Variants in THBS1 observed in about 807,000 individuals in gnomAD.
The protein encoded by THBS1 is thrombospondin-1.
Under a neutral mutation model 126.1 loss-of-function variants are expected in THBS1, and 29 were observed. The observed-to-expected ratio is 0.23, with a 90% CI of 0.17 to 0.31. The LOEUF (loss-of-function observed/expected upper bound fraction) is 0.31. Ranked by LOEUF, THBS1 falls within the 10% of genes least tolerant of loss-of-function variation. The pLI is 1.00. For missense variants in THBS1, 1,198 were observed against 1,545.2 expected, an observed-to-expected ratio of 0.78 and a Z score of 3.77; for synonymous variants, 496 against 577.8, an observed-to-expected ratio of 0.86 and a Z score of 2.03.
rs1260624111 is a variant in THBS1, at chr15:39,589,756, C to A, written c.1927-49C>A. On this transcript the variant is annotated intron_variant, in intron 12 of 21. Coordinates refer to ENST00000260356, the MANE Select transcript of THBS1 (RefSeq NM_003246.4). This position sits in a 1 kb window ranked among gnomAD's most constrained non-coding sequence, Gnocchi z 4.7. The stretch of plus-strand genomic sequence containing the variant: ...ATCTGGATTCTTGTTTCCATGATAT[C>A]TGAGGATTCTCAAAAGCTCTGTGTA... The A allele has an allele frequency of 4.6e-6, 7 of 1,520,716 alleles. No individual in the cohort carries two copies. The highest frequency in any genetic ancestry group is 2.0e-5 in the Admixed American group (1 of 49,112). The allele number at this position is 1,520,716 out of a possible 1,614,324, so 94.2% of individuals were successfully genotyped here. A position where few individuals can be genotyped will look rare whatever the true frequency, so the allele number is the denominator to read the frequency against.
intron 3 of THBS1, 122 bp downstream of exon 3, chr15:39,582,874 T>C: frequency 8.7e-7 from 1 of 1,146,470 alleles, no homozygotes; most frequent in Non-Finnish European, 1.2e-6. Flanking sequence ...TTAGGCAGCA[T>C]GAGCATCACC....
intron 14 of THBS1, 156 bp from the exon 15 acceptor site, chr15:39,591,035 G>A (rs149540230): frequency 2.5e-6 from 2 of 812,562 alleles, no homozygotes; most frequent in Non-Finnish European, 3.8e-6. Context: ...TTTAACTTTT[G>A]TAGTGATCGT....
At position 39,593,269 on chromosome 15, in the gene THBS1, A is replaced by T; in HGVS notation, c.2995+42A>T. 6.2e-7 allele frequency: 1 copy of T among 1,611,080 alleles called. No individual in the cohort carries two copies. The highest frequency in any genetic ancestry group is 8.5e-7 in the Non-Finnish European group (1 of 1,177,290). The stretch of plus-strand genomic sequence containing the variant: ...TAGATCCTAAGAGACTGATGCATAC[A>T]TGGGGAAAAACAAATATAAAACCTG... On this transcript the variant is annotated intron_variant, in intron 18 of 21. Coordinates refer to ENST00000260356, the MANE Select transcript of THBS1 (RefSeq NM_003246.4). The surrounding 1 kb of genome is among the most constrained non-coding windows in gnomAD (Gnocchi z 5.9).
At position 39,591,596 on chromosome 15, in the gene THBS1, T is replaced by C. The variant is rs768585341; in HGVS notation, c.2505T>C (p.Asn835=). Residue 835 remains asparagine, a synonymous_variant, in exon 16 of 22, where the codon AAT becomes AAC. Coordinates refer to ENST00000260356, the MANE Select transcript of THBS1 (RefSeq NM_003246.4). ...DMDGVGDQCD[N]CPLEHNPDQL... is the part of the protein sequence containing the mutation. ...ATGGGGTTGGAGATCAGTGTGACAATTGCCCCTTGGAACACAATCCGGATC... is the reference window on the plus strand; with the variant it reads ...ATGGGGTTGGAGATCAGTGTGACAACTGCCCCTTGGAACACAATCCGGATC... 3 of 1,614,134 alleles carry C rather than the reference T, an allele frequency of 1.9e-6. No homozygotes were observed. Among genetic ancestry groups the C allele is most frequent in the South Asian group, 1.1e-5 (1 of 91,070 alleles).
rs1368431168 is a variant in THBS1 at position 39,592,797 on chromosome 15, C to A, written c.2762C>A (p.Ser921Tyr). The change falls in exon 17 of 22, where the codon TCT becomes TAT. Residue 921 changes from serine to tyrosine, a missense_variant. Around this residue, in one of 4 missense-constraint regions of THBS1, gnomAD observed 255 missense variants for 373.9 expected, o/e 0.68. Coordinates refer to ENST00000260356, the MANE Select transcript of THBS1 (RefSeq NM_003246.4). This position sits in a 1 kb window ranked among gnomAD's most constrained non-coding sequence, Gnocchi z 4.3. The stretch of plus-strand genomic sequence containing the variant: ...GTGCCCAATCCCGACCAGAAGGACT[C>A]TGACGGTGAGTCATGGGAGCCACTT... ...RLVPNPDQKD[S>Y]DGDGRGDACK... is the part of the protein sequence containing the mutation. The A allele has an allele frequency of 4.3e-6, 7 of 1,612,286 alleles. No homozygotes were observed. Among genetic ancestry groups the A allele is most frequent in the Non-Finnish European group, 5.9e-6 (7 of 1,178,850 alleles).
rs779697116 is a variant in THBS1 at position 39,590,031 on chromosome 15, C to A, written c.2145+8C>A. On this transcript the variant is annotated splice_region_variant and intron_variant, in intron 13 of 21. Transcript: ENST00000260356. ...ACTTACCACTGCAAAAAGGTAGAGCCAGGTCCTTTGTGTGCCTCCAGAAAG... is the reference window on the plus strand; with the variant it reads ...ACTTACCACTGCAAAAAGGTAGAGCAAGGTCCTTTGTGTGCCTCCAGAAAG... The A allele has an allele frequency of 6.3e-7, 1 of 1,579,216 alleles. No individual in the cohort carries two copies. Among genetic ancestry groups the A allele is most frequent in the Non-Finnish European group, 8.6e-7 (1 of 1,161,192 alleles).
chr15:39,581,772 C>A, intron 1 of THBS1, 57 bp from the exon 2 acceptor site: 1 of 1,177,590 alleles, frequency 8.5e-7, no homozygotes, highest in Non-Finnish European at 1.2e-6. Flanking sequence ...TTTCTGCGCA[C>A]CGTCCCTCCC....
chr15:39,591,171 T>C lies in THBS1; in HGVS notation c.2254-20T>C. 1 of 1,610,920 alleles carries C rather than the reference T, an allele frequency of 6.2e-7. No individual in the cohort carries two copies. The highest frequency in any genetic ancestry group is 1.1e-5 in the South Asian group (1 of 90,594). On this transcript the variant is annotated intron_variant, in intron 14 of 21. Transcript: ENST00000260356. ...TTTCAAGGACAACATTGTTAAGTGCTCCATTTCTTCTCTTTGCAGGACAAC... is the reference window on the plus strand; with the variant it reads ...TTTCAAGGACAACATTGTTAAGTGCCCCATTTCTTCTCTTTGCAGGACAAC...
intron 6 of THBS1, among the ~76,000 whole-genome samples, chr15:39,585,193 C>G (rs1199899750): frequency 6.6e-6 from 1 of 152,178 alleles, no homozygotes; most frequent in Non-Finnish European, 1.5e-5. Context: ...GTTGGTTCCT[C>G]TGCTATAAAT....
At position 39,582,427 on chromosome 15, in the gene THBS1, G is replaced by A. The variant is rs770811023; in HGVS notation, c.302G>A (p.Arg101Gln). 6.8e-6 allele frequency: 11 copies of A among 1,614,000 alleles called. No homozygotes were observed. The highest frequency in any genetic ancestry group is 1.6e-4 in the Middle Eastern group (1 of 6,084). Residue 101 changes from arginine to glutamine, a missense_variant, in exon 3 of 22, where the codon CGG becomes CAG. Transcript: ENST00000260356. ...LASLRQMKKT[R>Q]GTLLALERKD... ...TCCCTGAGGCAGATGAAGAAGACCC[G>A]GGGCACGCTGCTGGCCCTGGAGCGG...
chr15:39,584,672 AT>A (rs1331771046), intron 6 of THBS1, among the ~76,000 whole-genome samples: 2 of 152,248 alleles, frequency 1.3e-5, no homozygotes, highest in Non-Finnish European at 2.9e-5. Flanking sequence ...AGACATCTGA[AT>A]AATTTACCTA....
chr15:39,583,496 C>A, intron 3 of THBS1, 121 bp from the exon 4 acceptor site: 1 of 731,862 alleles, frequency 1.4e-6, no homozygotes, highest in Non-Finnish European at 2.2e-6. Flanking sequence ...GATCTTAAGA[C>A]AGCTCTTTGA....
chr15:39,591,349 C>T lies in THBS1; in HGVS notation c.2412C>T (p.Asp804=), dbSNP rs370945019. The part of the protein sequence containing the change: ...GDACAADIDG[D]GILNERDNCQ... ...CCTGTGCTGCAGACATTGATGGAGA[C>T]GGTAAGGTGCTGCCTGATCAGAGGG... The change falls in exon 15 of 22, where the codon GAC becomes GAT. Residue 804 remains aspartate, a splice_region_variant and synonymous_variant. Transcript: ENST00000260356. The T allele has an allele frequency of 1.1e-5, 17 of 1,612,674 alleles. No homozygotes were observed. The highest frequency in any genetic ancestry group is 2.2e-5 in the East Asian group (1 of 44,882).
chr15:39,593,350 C>T lies in THBS1; in HGVS notation c.2996-47C>T. Reference sequence around the variant, plus strand: ...GATGTCTAGGAACATGATGGAGAACCTTCTGAAGGCTGCAGGTTTTAACCT... The same window carrying T: ...GATGTCTAGGAACATGATGGAGAACTTTCTGAAGGCTGCAGGTTTTAACCT... On this transcript the variant is annotated intron_variant, in intron 18 of 21. Coordinates refer to ENST00000260356, the MANE Select transcript of THBS1 (RefSeq NM_003246.4). The surrounding 1 kb of genome is among the most constrained non-coding windows in gnomAD (Gnocchi z 5.9). 6.2e-7 allele frequency: 1 copy of T among 1,612,964 alleles called. No individual in the cohort carries two copies. The highest frequency in any genetic ancestry group is 8.5e-7 in the Non-Finnish European group (1 of 1,179,366).
At chr15:39,583,811 G>C (rs1890157259) in intron 4 of THBS1, 119 bp downstream of exon 4, 1 of 1,268,532 alleles carries the variant, frequency 7.9e-7, no homozygotes. Flanking sequence ...ATCATCAAGA[G>C]GCATACAGAA....
Position 39,592,662 on chromosome 15 carries a change from ATG to A in THBS1, c.2630_2631del (p.Val877AlafsTer7). On this transcript the variant is annotated frameshift_variant, in exon 17 of 22. Coordinates refer to ENST00000260356, the MANE Select transcript of THBS1 (RefSeq NM_003246.4). LOFTEE classifies it high-confidence loss of function. This position sits in a 1 kb window ranked among gnomAD's most constrained non-coding sequence, Gnocchi z 4.3. ...CAGAACAATCTGGACAACTGTCCCT[ATG>A]TGCCCAATGCCAACCAGGCTGACCA... The A allele has an allele frequency of 1.2e-6, 2 of 1,614,182 alleles. No homozygotes were observed. Among genetic ancestry groups the A allele is most frequent in the Non-Finnish European group, 1.7e-6 (2 of 1,180,028 alleles).
rs778902622 is a variant in THBS1, at chr15:39,591,227, G to A, written c.2290G>A (p.Asp764Asn). The A allele has an allele frequency of 6.2e-7, 1 of 1,614,150 alleles. No homozygotes were observed. The highest frequency in any genetic ancestry group is 2.2e-5 in the East Asian group (1 of 44,890). Residue 764 changes from aspartate (D) to asparagine (N), a missense_variant, in exon 15 of 22, where the codon GAC becomes AAC. Around this residue, in one of 4 missense-constraint regions of THBS1, gnomAD observed 663 missense variants for 860.1 expected, o/e 0.77. Transcript: ENST00000260356. Reference sequence around the variant, plus strand: ...ATTCCATTACAACCCAGCTCAGTATGACTATGACAGAGATGATGTGGGAGA... The same window carrying A: ...ATTCCATTACAACCCAGCTCAGTATAACTATGACAGAGATGATGTGGGAGA... ...CPFHYNPAQY[D>N]YDRDDVGDRC...
chr15:39,587,208 AT>A, intron 7 of THBS1, 138 bp from the exon 8 acceptor site: 1 of 730,416 alleles, frequency 1.4e-6, no homozygotes, highest in East Asian at 2.7e-5. Context: ...ATATTTGTCA[AT>A]TATACCTCAG....
chr15:39,586,223 G>C (rs1055039275), intron 7 of THBS1, among the ~76,000 whole-genome samples: 1 of 152,064 alleles, frequency 6.6e-6, no homozygotes, highest in African/African-American at 2.4e-5. Context: ...CACACACACA[G>C]AAACACACAT....
Sources: allele counts gnomAD v4.1 joint callset (sites outside exome capture counted in the v4.1 genomes callset), GRCh38; gene constraint gnomAD v4.1.1; regional missense constraint gnomAD v4.1.1; non-coding constraint Gnocchi (gnomAD v3.1); transcripts MANE v1.5; gene names NCBI Gene and HGNC (gene_info 2026-07-23, HGNC 2026-07-21).